C1orf146: variants seen among roughly 807,000 people sequenced by gnomAD.
The protein encoded by C1orf146 is protein SPO16 homolog.
C1orf146 carries 22 observed loss-of-function variants against 23.0 expected under a neutral mutation model. The ratio of observed to expected loss-of-function variants is 0.96; its 90% CI spans 0.68 to 1.36. The LOEUF is 1.36. Among genes scored for constraint, C1orf146 ranks in the 40% most tolerant of loss-of-function variants. The pLI is 0.00. For missense variants in C1orf146, 199 were observed against 206.8 expected (o/e 0.96, Z 0.23); for synonymous variants, 59 against 65.3 (o/e 0.90, Z 0.47).
chr1:92,223,827 C>A (rs1482516358), intron 1 of C1orf146, among the ~76,000 whole-genome samples: 2 of 152,068 alleles, frequency 1.3e-5, no homozygotes, highest in African/African-American at 2.4e-5. Context: ...AGCCACCATG[C>A]CGAGCCCAAG....
chr1:92,245,680 C>CTA lies in C1orf146; in HGVS notation c.*6_*7insTA. 1.3e-6 allele frequency: 2 copies of CTA among 1,531,034 alleles called. No homozygotes were observed. The highest frequency in any genetic ancestry group is 1.8e-6 in the Non-Finnish European group (2 of 1,140,770). 94.8% of individuals were successfully genotyped at this position (1,531,034 alleles called of 1,614,324 possible). The stretch of plus-strand genomic sequence containing the variant: ...ATTCAGTTAACCCAAATTAGAGTAC[C>CTA]AACTTAATGTTTTTCTCGAAGAATG... On this transcript the variant is annotated 3_prime_UTR_variant, in exon 6 of 6. Transcript: ENST00000370375.
Position 92,244,357 on chromosome 1 carries a change from T to A in C1orf146, c.301T>A (p.Trp101Arg). 1.2e-6 allele frequency: 2 copies of A among 1,608,662 alleles called. No homozygotes were observed. Among genetic ancestry groups the A allele is most frequent in the Non-Finnish European group, 8.5e-7 (1 of 1,178,616 alleles). Residue 101 changes from tryptophan (W) to arginine (R), a missense_variant, in exon 4 of 6, where the codon TGG (tryptophan) becomes AGG (arginine). Trp to Arg is a moderately radical substitution (Grantham distance 101). Coordinates refer to ENST00000370375, the MANE Select transcript of C1orf146 (RefSeq NM_001012425.2). ...LSAALHGPEEWKLMFRIQQRF... is the reference protein window; with the variant it reads ...LSAALHGPEERKLMFRIQQRF... ...TGCTGCCCTCCATGGGCCTGAAGAA[T>A]GGAAACTGATGTTCAGGATTCAGCA...
intron 2 of C1orf146, among the ~76,000 whole-genome samples, chr1:92,234,482 G>T (rs1476069057): frequency 6.6e-6 from 1 of 152,188 alleles, no homozygotes; most frequent in East Asian, 1.9e-4. Context: ...TGGTGGATAA[G>T]CTTTTTGATG....
chr1:92,244,486 G>A (rs1470037262), intron 4 of C1orf146, 101 bp downstream of exon 4: 1 of 882,072 alleles, frequency 1.1e-6, no homozygotes, highest in Non-Finnish European at 1.7e-6. Context: ...GATGAACACT[G>A]TGATGTTAAC....
At chr1:92,233,297 G>T (rs1271198976) in intron 2 of C1orf146, among the ~76,000 whole-genome samples, 1 of 151,408 alleles carries the variant, frequency 6.6e-6, no homozygotes. Context: ...TAAGGTGTAA[G>T]GAAGGGATCC....
Position 92,231,491 on chromosome 1 carries a change from AG to A in C1orf146, c.66+9del, listed in dbSNP as rs1355764890. On this transcript the variant is annotated splice_donor_region_variant and intron_variant, in intron 2 of 5. Coordinates refer to ENST00000370375, the MANE Select transcript of C1orf146 (RefSeq NM_001012425.2). ...ATTATTAGCTCATCTCTTAAGGTAA[AG>A]GGGCATTTGGGCCACTGATCTTTAA... is the stretch of plus-strand genomic sequence containing the variant. The A allele has an allele frequency of 6.3e-7, 1 of 1,595,256 alleles. No homozygotes were observed. The highest frequency in any genetic ancestry group is 8.5e-7 in the Non-Finnish European group (1 of 1,171,866).
intron 2 of C1orf146, among the ~76,000 whole-genome samples, chr1:92,234,301 T>C (rs1162940712): frequency 2.0e-5 from 3 of 152,234 alleles, no homozygotes; most frequent in African/African-American, 7.2e-5. Context: ...ACCTAATTTA[T>C]TGAGAGTTTT....
At chr1:92,241,186 G>GCTT (rs1476950559) in intron 2 of C1orf146, among the ~76,000 whole-genome samples, 3 of 99,754 alleles carry the variant, frequency 3.0e-5, no homozygotes, top group Admixed American at 1.3e-4. Context: ...TCTCCAAGTT[G>GCTT]CTTATTATTA....
intron 1 of C1orf146, among the ~76,000 whole-genome samples, chr1:92,222,422 C>T (rs1050519507): frequency 3.3e-5 from 5 of 151,284 alleles, no homozygotes; most frequent in African/African-American, 1.2e-4. Context: ...TGTTTTGACA[C>T]ATTTATACAC....
chr1:92,221,917 T>C (rs543894672), intron 1 of C1orf146, among the ~76,000 whole-genome samples: 35 of 152,192 alleles, frequency 2.3e-4, no homozygotes, highest in Non-Finnish European at 4.3e-4. Flanking sequence ...GACACACTTA[T>C]CATTATTGAA....
Position 92,235,284 on chromosome 1 carries a change from T to C in C1orf146, c.66+3798T>C, listed in dbSNP as rs1008041836. On this transcript the variant is annotated intron_variant, in intron 2 of 5. Coordinates refer to ENST00000370375, the MANE Select transcript of C1orf146 (RefSeq NM_001012425.2). ...TTCCCTCTACACACTGCTTTGAATG[T>C]GTCCCAGAGATTCTGGTATGTTGCG... 3.3e-5 allele frequency among the ~76,000 whole-genome samples: 5 copies of C among 152,332 alleles called. No homozygotes were observed. The South Asian group carries it at 6.2e-4, about 19-fold the overall frequency.
chr1:92,226,399 G>T (rs944412110), intron 1 of C1orf146, among the ~76,000 whole-genome samples: 3 of 146,220 alleles, frequency 2.1e-5, no homozygotes, highest in East Asian at 3.9e-4. Context: ...ATGCACGCAT[G>T]CACACACACA....
At chr1:92,244,590 C>G (rs530328037) in intron 4 of C1orf146, among the ~76,000 whole-genome samples, 189 bp from the exon 5 acceptor site, 87 of 152,126 alleles carry the variant, frequency 5.7e-4, no homozygotes, top group Non-Finnish European at 1.0e-3. Context: ...AAGACCAAGC[C>G]AAAAGTGAAC....
intron 1 of C1orf146, among the ~76,000 whole-genome samples, chr1:92,225,983 T>G (rs2100730283): frequency 1.3e-5 from 2 of 152,356 alleles, no homozygotes; most frequent in African/African-American, 4.8e-5. Context: ...ATGTAATTAC[T>G]CAGTATTGCT....
At chr1:92,237,345 G>A (rs1308608646) in intron 2 of C1orf146, among the ~76,000 whole-genome samples, 4 of 152,182 alleles carry the variant, frequency 2.6e-5, no homozygotes, top group Non-Finnish European at 4.4e-5. Context: ...TCAGTTGCAG[G>A]TCTGTTGAAG....
intron 2 of C1orf146, among the ~76,000 whole-genome samples, chr1:92,237,829 ATGT>A (rs1233230876): frequency 5.9e-5 from 9 of 152,174 alleles, no homozygotes; most frequent in African/African-American, 1.2e-4. Flanking sequence ...GAAAAGTTTC[ATGT>A]TGTCATTTTT....
At chr1:92,240,941 G>A (rs753163856) in intron 2 of C1orf146, 1 of 462,982 alleles carries the variant, frequency 2.2e-6, no homozygotes, top group Non-Finnish European at 4.5e-6. Context: ...GAAATGGTTA[G>A]TATTAAAACC....
chr1:92,245,400 C>T, intron 5 of C1orf146, 140 bp from the exon 6 acceptor site: 1 of 631,072 alleles, frequency 1.6e-6, no homozygotes, highest in Admixed American at 3.7e-5. Flanking sequence ...GTTGACTACT[C>T]TAGTAACTCA....
chr1:92,238,882 A>G (rs529508387), intron 2 of C1orf146, among the ~76,000 whole-genome samples: 2 of 152,246 alleles, frequency 1.3e-5, no homozygotes, highest in South Asian at 2.1e-4. Flanking sequence ...TCTGCTTAAT[A>G]CACTGCTTTT....
Sources: allele counts gnomAD v4.1 joint callset (sites outside exome capture counted in the v4.1 genomes callset), GRCh38; gene constraint gnomAD v4.1.1; transcripts MANE v1.5; gene names NCBI Gene and HGNC (gene_info 2026-07-23, HGNC 2026-07-21).